Variants in AIG1 observed in about 807,000 individuals in gnomAD.
AIG1 encodes androgen induced 1, also known as androgen-induced gene 1 protein.
In AIG1, 23 loss-of-function variants were observed where a neutral mutation model predicts 31.4. That is an observed-to-expected ratio of 0.73 (90% CI 0.53 to 1.04). The LOEUF is 1.04. Among genes scored for constraint, AIG1 ranks in the 50% least tolerant of loss-of-function variants. The pLI is 0.00. For synonymous variants in AIG1, 100 were observed against 110.5 expected (o/e 0.90, Z 0.60); for missense variants, 274 against 295.0 (o/e 0.93, Z 0.52).
chr6:143,081,396 A>G (rs1778243075), intron 1 of AIG1, among the ~76,000 whole-genome samples: 1 of 151,686 alleles, frequency 6.6e-6, no homozygotes, highest in Non-Finnish European at 1.5e-5. Context: ...TACTTTTATT[A>G]CCTCTTGGGC....
rs759279625 is a variant in AIG1 at position 143,333,447 on chromosome 6, T to A, written c.679+2T>A. The A allele has an allele frequency of 1.2e-6, 2 of 1,612,774 alleles. No individual in the cohort carries two copies. The highest frequency in any genetic ancestry group is 3.3e-5 in the Admixed American group (2 of 59,726). On this transcript the variant is annotated splice_donor_variant, in intron 5 of 5. Coordinates refer to ENST00000357847, the MANE Select transcript of AIG1 (RefSeq NM_016108.4). LOFTEE classifies it high-confidence loss of function. The surrounding 1 kb of genome is among the most constrained non-coding windows in gnomAD (Gnocchi z 4.6). ...ACTATATCTGGGATACACAGAAAAG[T>A]AAGTATTGTCTGAGGGAACATAAAA...
At chr6:143,251,280 G>A (rs1163630299) in intron 3 of AIG1, among the ~76,000 whole-genome samples, 6 of 152,224 alleles carry the variant, frequency 3.9e-5, no homozygotes, top group East Asian at 1.9e-4. Context: ...TCGAACTCCC[G>A]GCCTCAGGTG....
At chr6:143,140,545 T>A (rs972515308) in intron 2 of AIG1, among the ~76,000 whole-genome samples, 3 of 152,168 alleles carry the variant, frequency 2.0e-5, no homozygotes, top group African/African-American at 7.2e-5. Context: ...CTTTCTTCCT[T>A]ATTAAAATGC....
chr6:143,190,675 A>G (rs1424673050), intron 3 of AIG1: 5 of 891,120 alleles, frequency 5.6e-6, no homozygotes, highest in African/African-American at 1.8e-5. Flanking sequence ...GGACTTTCTC[A>G]ACCTGTATTC....
At chr6:143,090,433 G>A (rs1779200166) in intron 1 of AIG1, among the ~76,000 whole-genome samples, 2 of 152,066 alleles carry the variant, frequency 1.3e-5, no homozygotes, top group Admixed American at 1.3e-4. Flanking sequence ...CTGTTTTCAG[G>A]ATGTGAGAAC....
chr6:143,228,627 A>C (rs1228341998), intron 3 of AIG1, among the ~76,000 whole-genome samples: 4 of 152,186 alleles, frequency 2.6e-5, no homozygotes, highest in Admixed American at 2.6e-4. Context: ...GTGGGACCAC[A>C]TTTACTTGGA....
In AIG1 at chr6:143,268,953, A is replaced by G. The variant is rs1388565530; in HGVS notation, c.400-15157A>G. Reference sequence around the variant, plus strand: ...GCAGCCCTCATCCCATAACTGGTCCATGCTGGGGTATAAAGACCTGACCCA... The same window carrying G: ...GCAGCCCTCATCCCATAACTGGTCCGTGCTGGGGTATAAAGACCTGACCCA... On this transcript the variant is annotated intron_variant, in intron 3 of 5. Coordinates refer to ENST00000357847, the MANE Select transcript of AIG1 (RefSeq NM_016108.4). This position sits in a 1 kb window ranked among gnomAD's most constrained non-coding sequence, Gnocchi z 5.0. 6.6e-6 allele frequency among the ~76,000 whole-genome samples: 1 copy of G among 152,154 alleles called. No individual in the cohort carries two copies. The highest frequency in any genetic ancestry group is 1.5e-5 in the Non-Finnish European group (1 of 68,020).
intron 1 of AIG1, among the ~76,000 whole-genome samples, chr6:143,113,061 G>T (rs754038904): frequency 2.0e-5 from 3 of 152,064 alleles, no homozygotes; most frequent in Non-Finnish European, 4.4e-5. Context: ...GGTGGCTCAC[G>T]TCTGAGATCC....
At chr6:143,115,575 C>CTA (rs918834240) in intron 1 of AIG1, among the ~76,000 whole-genome samples, 1 of 152,202 alleles carries the variant, frequency 6.6e-6, no homozygotes, top group Non-Finnish European at 1.5e-5. Context: ...CAGGATTAAA[C>CTA]ACCAGCTTGA....
At chr6:143,289,413 G>A (rs1265908868) in intron 4 of AIG1, among the ~76,000 whole-genome samples, 1 of 152,106 alleles carries the variant, frequency 6.6e-6, no homozygotes, top group African/African-American at 2.4e-5. Flanking sequence ...CCAAAAAGGA[G>A]AGGGTACAAT....
intron 3 of AIG1, among the ~76,000 whole-genome samples, chr6:143,260,217 G>A (rs1795657393): frequency 6.6e-6 from 1 of 152,006 alleles, no homozygotes; most frequent in Non-Finnish European, 1.5e-5. Flanking sequence ...TAGAGATGGA[G>A]TTTCACCATG....
At chr6:143,065,481 A>T (rs1339619947) in intron 1 of AIG1, among the ~76,000 whole-genome samples, 3 of 152,146 alleles carry the variant, frequency 2.0e-5, no homozygotes, top group Admixed American at 6.5e-5. Flanking sequence ...ATGTGGATTC[A>T]TTCACTAGCA....
chr6:143,117,714 C>T (rs1307879236), intron 1 of AIG1, among the ~76,000 whole-genome samples: 1 of 152,116 alleles, frequency 6.6e-6, no homozygotes, highest in African/African-American at 2.4e-5. Flanking sequence ...AAGAGTCGAT[C>T]AGATCTCTAA....
At chr6:143,307,475 G>C (rs925833724) in intron 4 of AIG1, among the ~76,000 whole-genome samples, 3 of 152,212 alleles carry the variant, frequency 2.0e-5, no homozygotes, top group African/African-American at 7.2e-5. Flanking sequence ...TCCAGACCCT[G>C]TTTGCCTGGG....
intron 1 of AIG1, among the ~76,000 whole-genome samples, chr6:143,106,316 C>T (rs753892484): frequency 3.3e-5 from 5 of 152,154 alleles, no homozygotes; most frequent in Non-Finnish European, 7.3e-5. Flanking sequence ...TCCCTCACAG[C>T]CCATCCTGCC....
At chr6:143,180,415 A>T (rs974450505) in intron 3 of AIG1, among the ~76,000 whole-genome samples, 1 of 152,210 alleles carries the variant, frequency 6.6e-6, no homozygotes, top group Non-Finnish European at 1.5e-5. Context: ...AAGGAGAAGC[A>T]CTGTCGTTAT....
At chr6:143,103,421 G>A (rs547169559) in intron 1 of AIG1, among the ~76,000 whole-genome samples, 1 of 150,552 alleles carries the variant, frequency 6.6e-6, no homozygotes, top group South Asian at 2.1e-4. Flanking sequence ...GTCAATGGCT[G>A]TATTTAGAAG....
intron 1 of AIG1, among the ~76,000 whole-genome samples, chr6:143,088,790 TCTC>T (rs991256824): frequency 1.3e-5 from 2 of 152,162 alleles, no homozygotes; most frequent in African/African-American, 4.8e-5. Context: ...GGGATTGAAA[TCTC>T]CTTCCACAAA....
rs1290349460 is a variant in AIG1 at position 143,149,557 on chromosome 6, A to AG, written c.297+12568dup. On this transcript the variant is annotated intron_variant, in intron 2 of 5. Coordinates refer to ENST00000357847, the MANE Select transcript of AIG1 (RefSeq NM_016108.4). The stretch of plus-strand genomic sequence containing the variant: ...CAAAAAAAAAAAAAAAAAAAAAAAA[A>AG]GAAAGAAAATAGGAGTTGTGTAGAA... Among the ~76,000 whole-genome samples, 1,030 of 146,344 alleles carry AG rather than the reference A, an allele frequency of 7.0e-3. 6 individuals carry two copies. The highest frequency in any genetic ancestry group is 0.012 in the Non-Finnish European group (778 of 66,060).
Sources: allele counts gnomAD v4.1 joint callset (sites outside exome capture counted in the v4.1 genomes callset), GRCh38; gene constraint gnomAD v4.1.1; non-coding constraint Gnocchi (gnomAD v3.1); transcripts MANE v1.5; gene names NCBI Gene and HGNC (gene_info 2026-07-23, HGNC 2026-07-21).